SMIM13: variants seen among roughly 807,000 people sequenced by gnomAD.
SMIM13 encodes the protein UPF0766 protein C6orf228.
SMIM13 carries 3 observed loss-of-function variants against 5.9 expected under a neutral mutation model. That is an observed-to-expected ratio of 0.51 (90% CI 0.23 to 1.31). The LOEUF (loss-of-function observed/expected upper bound fraction) is 1.31, where lower values mean the gene tolerates loss of function less well. Ranked by LOEUF, SMIM13 falls within the 40% of genes most tolerant of loss-of-function variation. The probability of loss-of-function intolerance (pLI) is 0.18; values close to 1 mark genes in which losing one functional copy is unlikely to be tolerated. For missense variants in SMIM13, 85 were observed against 109.9 expected (o/e 0.77, Z 1.01); for synonymous variants, 55 against 46.0 (o/e 1.19, Z -0.79).
chr6:11,115,369 C>T (rs1267817617), intron 1 of SMIM13, among the ~76,000 whole-genome samples: 1 of 152,156 alleles, frequency 6.6e-6, no homozygotes, highest in African/African-American at 2.4e-5. Flanking sequence ...CTTTCTGGAG[C>T]TTGGGTTCCT....
intron 1 of SMIM13, among the ~76,000 whole-genome samples, chr6:11,122,782 G>GT (rs966284912): frequency 2.5e-4 from 38 of 151,382 alleles, no homozygotes; most frequent in African/African-American, 6.8e-4. Flanking sequence ...GCCTGTCTGG[G>GT]TTTTTTTTTG....
At chr6:11,117,526 C>A (rs1232427120) in intron 1 of SMIM13, among the ~76,000 whole-genome samples, 4 of 151,692 alleles carry the variant, frequency 2.6e-5, no homozygotes, top group Non-Finnish European at 5.9e-5. Context: ...AATTTTTATT[C>A]AATTCAAGAT....
intron 1 of SMIM13, among the ~76,000 whole-genome samples, chr6:11,119,090 A>G (rs1758278629): frequency 6.6e-6 from 1 of 152,172 alleles, no homozygotes; most frequent in Non-Finnish European, 1.5e-5. Flanking sequence ...CAGATGTGAG[A>G]GGGTTTATTA....
chr6:11,101,347 T>C (rs1757988647), intron 1 of SMIM13, among the ~76,000 whole-genome samples: 1 of 152,358 alleles, frequency 6.6e-6, no homozygotes, highest in African/African-American at 2.4e-5. Flanking sequence ...ACCTCTCTTA[T>C]TTCAGCAAGT....
At position 11,127,447 on chromosome 6, in the gene SMIM13, A is replaced by G. The variant is rs917243470; in HGVS notation, c.77-6956A>G. 3.3e-5 allele frequency among the ~76,000 whole-genome samples: 5 copies of G among 152,344 alleles called. No individual in the cohort carries two copies. In the East Asian group the frequency reaches 5.8e-4, roughly 18 times the overall value. ...TCTTCCAGCCACCAGTGTTCACTCA[A>G]GGTTCAGTGTATTAGTCCACTTTCA... On this transcript the variant is annotated intron_variant, in intron 1 of 1. Coordinates refer to ENST00000416247, the MANE Select transcript of SMIM13 (RefSeq NM_001135575.2).
chr6:11,126,378 C>A (rs2113665355), intron 1 of SMIM13, among the ~76,000 whole-genome samples: 1 of 152,318 alleles, frequency 6.6e-6, no homozygotes, highest in Non-Finnish European at 1.5e-5. Flanking sequence ...AGCCTGTCTT[C>A]AAGGTCACTA....
intron 1 of SMIM13, among the ~76,000 whole-genome samples, chr6:11,099,425 A>G (rs1757964647): frequency 6.6e-6 from 1 of 152,104 alleles, no homozygotes; most frequent in Non-Finnish European, 1.5e-5. Flanking sequence ...CACCCGCCTC[A>G]GCCTCCCAAA....
At chr6:11,110,643 C>T (rs910766099) in intron 1 of SMIM13, among the ~76,000 whole-genome samples, 1 of 152,104 alleles carries the variant, frequency 6.6e-6, no homozygotes, top group East Asian at 1.9e-4. Flanking sequence ...AAATGCTTAA[C>T]GAGGTAGAAC....
chr6:11,117,853 G>A lies in SMIM13; in HGVS notation c.77-16550G>A, dbSNP rs1581917567. 2.6e-5 allele frequency among the ~76,000 whole-genome samples: 4 copies of A among 151,904 alleles called. No individual in the cohort carries two copies. The South Asian group carries it at 8.3e-4, about 31-fold the overall frequency. ...CGACCTCCGCCTCCCGGATTCAAGC[G>A]ATTCTTGTGCCTCAGCCTTGCAAGT... On this transcript the variant is annotated intron_variant, in intron 1 of 1. Transcript: ENST00000416247.
At chr6:11,114,630 A>C (rs1758214028) in intron 1 of SMIM13, among the ~76,000 whole-genome samples, 1 of 98,326 alleles carries the variant, frequency 1.0e-5, no homozygotes, top group East Asian at 2.8e-4. Context: ...ATGGAGTCTC[A>C]CTCTGTCGCC....
chr6:11,136,902 A>G lies in SMIM13; in HGVS notation c.*2300A>G, dbSNP rs567993614. The G allele has an allele frequency of 3.4e-4, 52 of 151,932 alleles. 1 individual carries two copies. The highest frequency in any genetic ancestry group is 7.1e-4 in the Non-Finnish European group (48 of 67,946). 9.4% of individuals were successfully genotyped at this position (151,932 alleles called of 1,614,324 possible). On this transcript the variant is annotated 3_prime_UTR_variant, in exon 2 of 2. Coordinates refer to ENST00000416247, the MANE Select transcript of SMIM13 (RefSeq NM_001135575.2). Reference sequence around the variant, plus strand: ...ATTTAAATTAGATTTTTCATAGTCTATTGTTTTGAACTATGGATTCTGTTT... The same window carrying G: ...ATTTAAATTAGATTTTTCATAGTCTGTTGTTTTGAACTATGGATTCTGTTT...
intron 1 of SMIM13, 71 bp downstream of exon 1, chr6:11,094,460 G>A: frequency 2.4e-6 from 3 of 1,269,166 alleles, no homozygotes; most frequent in Non-Finnish European, 3.3e-6. Context: ...TTTTTTTGTT[G>A]TTTGTTTTTT....
At chr6:11,095,819 A>T (rs577718871) in intron 1 of SMIM13, among the ~76,000 whole-genome samples, 1 of 152,196 alleles carries the variant, frequency 6.6e-6, no homozygotes, top group Non-Finnish European at 1.5e-5. Flanking sequence ...CTAATTGTAG[A>T]TGTTTAAGGT....
intron 1 of SMIM13, chr6:11,103,590 T>C: frequency 1.4e-6 from 2 of 1,444,748 alleles, no homozygotes; most frequent in Non-Finnish European, 1.8e-6. Context: ...CAGGGCAGGA[T>C]GGCTCTGTGG....
At chr6:11,111,291 C>A (rs557956017) in intron 1 of SMIM13, among the ~76,000 whole-genome samples, 1 of 152,068 alleles carries the variant, frequency 6.6e-6, no homozygotes, top group Non-Finnish European at 1.5e-5. Flanking sequence ...AATGGGTGTG[C>A]GAGGTCATTT....
At chr6:11,106,564 A>G (rs374424075) in intron 1 of SMIM13, among the ~76,000 whole-genome samples, 47 of 152,336 alleles carry the variant, frequency 3.1e-4, no homozygotes, top group East Asian at 1.9e-3. Flanking sequence ...TAGACGGAGA[A>G]GTTCTCCCAA....
At chr6:11,103,790 T>G in intron 1 of SMIM13, 1 of 1,551,612 alleles carries the variant, frequency 6.4e-7, no homozygotes. Context: ...CAAATTGGGT[T>G]ATTAGATTTA....
chr6:11,095,426 A>T (rs9468410), intron 1 of SMIM13, among the ~76,000 whole-genome samples: 28,548 of 152,132 alleles, frequency 0.19, 3,011 homozygotes, highest in African/African-American at 0.29. Flanking sequence ...GCCCACTGCA[A>T]CCTCTGCCTC....
At chr6:11,094,453 TTTTGTTGTTTG>T in intron 1 of SMIM13, 64 bp downstream of exon 1, 1 of 1,322,436 alleles carries the variant, frequency 7.6e-7, no homozygotes, top group Non-Finnish European at 1.0e-6. Context: ...CTGGGGTTTT[TTTTGTTGTTTG>T]TTTTTTTGAA....
Sources: allele counts gnomAD v4.1 joint callset (sites outside exome capture counted in the v4.1 genomes callset), GRCh38; gene constraint gnomAD v4.1.1; transcripts MANE v1.5; gene names NCBI Gene and HGNC (gene_info 2026-07-23, HGNC 2026-07-21).